The following GRID2 variants were observed in gnomAD, a reference collection of about 807,000 sequenced individuals.
The protein encoded by GRID2 is glutamate receptor ionotropic, delta-2.
A neutral mutation model predicts 114.8 loss-of-function variants in GRID2; 33 were observed. That is an observed-to-expected ratio of 0.29 (90% CI 0.22 to 0.38). The LOEUF (loss-of-function observed/expected upper bound fraction) is 0.38. Among genes scored for constraint, GRID2 ranks in the 10% least tolerant of loss-of-function variants. The pLI is 1.00. For missense variants in GRID2, 1,184 were observed against 1,257.7 expected (o/e 0.94, Z 0.89); for synonymous variants, 505 against 449.9 (o/e 1.12, Z -1.55).
intron 13 of GRID2, among the ~76,000 whole-genome samples, chr4:93,531,855 A>G (rs1170132332): frequency 6.6e-6 from 1 of 152,000 alleles, no homozygotes; most frequent in African/African-American, 2.4e-5. Context: ...TATTTTTCAT[A>G]TTTATGTTTA....
chr4:93,614,819 A>G (rs762042407), intron 13 of GRID2, among the ~76,000 whole-genome samples: 2 of 152,240 alleles, frequency 1.3e-5, no homozygotes, highest in Non-Finnish European at 2.9e-5. Context: ...AGGGGAACAT[A>G]AATACTACAG....
At chr4:93,651,911 A>G (rs1382640715) in intron 14 of GRID2, among the ~76,000 whole-genome samples, 1 of 152,150 alleles carries the variant, frequency 6.6e-6, no homozygotes, top group Non-Finnish European at 1.5e-5. Context: ...TGAACAAGTG[A>G]ATGAGCTATT....
chr4:92,676,339 C>A (rs938200905), intron 2 of GRID2, among the ~76,000 whole-genome samples: 2 of 151,958 alleles, frequency 1.3e-5, no homozygotes, highest in African/African-American at 4.8e-5. Flanking sequence ...ACCACAACGC[C>A]CGGCTAATTT....
At chr4:92,741,183 G>A (rs1422384153) in intron 2 of GRID2, among the ~76,000 whole-genome samples, 3 of 152,082 alleles carry the variant, frequency 2.0e-5, no homozygotes, top group South Asian at 4.1e-4. Flanking sequence ...ATGAATTTCC[G>A]GTGCCTCAGT....
intron 2 of GRID2, among the ~76,000 whole-genome samples, chr4:92,753,605 G>A (rs567188263): frequency 6.6e-6 from 1 of 152,172 alleles, no homozygotes; most frequent in Admixed American, 6.6e-5. Flanking sequence ...CTCAGTCTGA[G>A]TCAGAACAAG....
chr4:92,516,301 A>G (rs938928560), intron 1 of GRID2, among the ~76,000 whole-genome samples: 16 of 151,908 alleles, frequency 1.1e-4, no homozygotes. Flanking sequence ...CCTTTATTCT[A>G]TAACAATTCT....
chr4:92,457,384 T>A (rs1721270245), intron 1 of GRID2, among the ~76,000 whole-genome samples: 2 of 152,190 alleles, frequency 1.3e-5, no homozygotes, highest in Non-Finnish European at 2.9e-5. Flanking sequence ...AGTTTATCTC[T>A]GAGTCATTTG....
intron 2 of GRID2, among the ~76,000 whole-genome samples, chr4:93,033,484 C>T (rs12645241): frequency 0.045 from 6,882 of 152,172 alleles, 259 homozygotes; most frequent in East Asian, 0.14. Flanking sequence ...ATCAGGAAAG[C>T]CCACTAGAAC....
chr4:93,107,291 C>A (rs975871448), intron 3 of GRID2, among the ~76,000 whole-genome samples: 3 of 151,898 alleles, frequency 2.0e-5, no homozygotes, highest in Non-Finnish European at 4.4e-5. Flanking sequence ...AGAGTGGGAC[C>A]CTGTCTCAAA....
At chr4:93,104,200 T>C (rs1274333162) in intron 3 of GRID2, among the ~76,000 whole-genome samples, 1 of 152,154 alleles carries the variant, frequency 6.6e-6, no homozygotes, top group African/African-American at 2.4e-5. Flanking sequence ...TTTGGAAAAA[T>C]ACAGACTTAT....
intron 1 of GRID2, among the ~76,000 whole-genome samples, chr4:92,481,534 T>A (rs533125299): frequency 6.6e-6 from 1 of 152,272 alleles, no homozygotes; most frequent in African/African-American, 2.4e-5. Flanking sequence ...GCTTTGTTTC[T>A]GAATTTTTTA....
rs575377534 is a variant in GRID2 at position 93,120,358 on chromosome 4, A to G, written c.735+9405A>G. Among the ~76,000 whole-genome samples the G allele has an allele frequency of 6.6e-5, 10 of 152,336 alleles. No individual in the cohort carries two copies. The East Asian group carries it at 1.7e-3, about 27-fold the overall frequency. ...TTAGAACCAACCCACATGCCCATCA[A>G]TGATAGACTGGATAAAGAAAGTGTG... On this transcript the variant is annotated intron_variant, in intron 4 of 15. Coordinates refer to ENST00000282020, the MANE Select transcript of GRID2 (RefSeq NM_001510.4).
chr4:93,062,831 T>C (rs772871515), intron 2 of GRID2, among the ~76,000 whole-genome samples: 1 of 152,028 alleles, frequency 6.6e-6, no homozygotes, highest in Non-Finnish European at 1.5e-5. Flanking sequence ...CAGTGCCACT[T>C]ACTAAAATAG....
intron 13 of GRID2, among the ~76,000 whole-genome samples, chr4:93,569,398 A>T (rs1320311537): frequency 2.0e-5 from 3 of 152,060 alleles, no homozygotes; most frequent in Non-Finnish European, 4.4e-5. Flanking sequence ...CTTTTGGTTC[A>T]CCTTCCAAAT....
In GRID2 at chr4:93,759,347, G is replaced by T. The variant is rs565098400; in HGVS notation, c.2361-9863G>T. Among the ~76,000 whole-genome samples the T allele has an allele frequency of 1.2e-4, 18 of 152,070 alleles. No homozygotes were observed. In the East Asian group the frequency reaches 3.3e-3, roughly 28 times the overall value. On this transcript the variant is annotated intron_variant, in intron 14 of 15. Transcript: ENST00000282020. ...TGGGCACCATATATTTCAAATTTAA[G>T]GTTCATTTTCTACCAAATAACATGT...
intron 2 of GRID2, among the ~76,000 whole-genome samples, chr4:92,886,704 C>A (rs1578389906): frequency 1.3e-5 from 2 of 152,292 alleles, no homozygotes; most frequent in South Asian, 2.1e-4. Context: ...AGGCTCACTG[C>A]AAGCTCTGCC....
intron 1 of GRID2, among the ~76,000 whole-genome samples, chr4:92,427,726 A>G (rs1732228443): frequency 6.6e-6 from 1 of 152,180 alleles, no homozygotes; most frequent in Admixed American, 6.5e-5. Flanking sequence ...TCAGTTGGTT[A>G]AGTTTAATTA....
intron 2 of GRID2, among the ~76,000 whole-genome samples, chr4:92,687,889 A>C (rs1431145068): frequency 1.3e-5 from 2 of 151,836 alleles, no homozygotes; most frequent in Non-Finnish European, 2.9e-5. Flanking sequence ...TCAGTAAGTC[A>C]GAATCTTTTT....
chr4:93,176,000 C>T (rs923808559), intron 4 of GRID2, among the ~76,000 whole-genome samples: 1 of 152,076 alleles, frequency 6.6e-6, no homozygotes, highest in Non-Finnish European at 1.5e-5. Flanking sequence ...TAAACATCTT[C>T]CTAGATACCT....
Sources: gnomAD v4.1 joint callset for allele counts (sites outside exome capture counted in the v4.1 genomes callset) on GRCh38, gnomAD v4.1.1 for gene constraint, MANE v1.5 for transcripts, NCBI Gene and HGNC (gene_info 2026-07-23, HGNC 2026-07-21) for gene names.